Variants in GRID2 observed in about 807,000 individuals in gnomAD.
The protein encoded by GRID2 is glutamate ionotropic receptor delta type subunit 2.
A neutral mutation model predicts 114.8 loss-of-function variants in GRID2; 33 were observed. That is an observed-to-expected ratio of 0.29 (90% CI 0.22 to 0.38). The LOEUF is 0.38. Among genes scored for constraint, GRID2 ranks in the 10% least tolerant of loss-of-function variants. GRID2 has a pLI of 1.00. For synonymous variants in GRID2, 505 were observed against 449.9 expected, an observed-to-expected ratio of 1.12 and a Z score of -1.55; for missense variants, 1,184 against 1,257.7, an observed-to-expected ratio of 0.94 and a Z score of 0.89.
intron 3 of GRID2, among the ~76,000 whole-genome samples, chr4:93,091,337 TC>T (rs1255765580): frequency 1.3e-5 from 2 of 152,078 alleles, no homozygotes; most frequent in Non-Finnish European, 2.9e-5. Flanking sequence ...TAGACTTATT[TC>T]TAAGAATAAA....
chr4:92,690,213 G>A (rs559097744), intron 2 of GRID2, among the ~76,000 whole-genome samples: 632 of 150,024 alleles, frequency 4.2e-3, no homozygotes, highest in African/African-American at 0.015. Flanking sequence ...AAAAAAAAAA[G>A]AAAAAAAGTA....
chr4:93,625,807 C>A (rs1020351250), intron 13 of GRID2, among the ~76,000 whole-genome samples: 1 of 151,960 alleles, frequency 6.6e-6, no homozygotes, highest in African/African-American at 2.4e-5. Context: ...CCCAGCTACT[C>A]GGGAGGTTGA....
intron 1 of GRID2, among the ~76,000 whole-genome samples, chr4:92,376,417 G>A (rs531621047): frequency 6.6e-5 from 10 of 152,286 alleles, no homozygotes; most frequent in South Asian, 4.1e-4. Flanking sequence ...TCTGTCCCAT[G>A]GCTTTGCAGG....
At chr4:93,124,554 G>A (rs1042498825) in intron 4 of GRID2, among the ~76,000 whole-genome samples, 4 of 152,132 alleles carry the variant, frequency 2.6e-5, no homozygotes, top group Admixed American at 6.5e-5. Context: ...AGTTAGCACT[G>A]GAGTCCGAAC....
chr4:93,491,757 G>A (rs969264234), intron 12 of GRID2, among the ~76,000 whole-genome samples: 6 of 151,702 alleles, frequency 4.0e-5, no homozygotes, highest in African/African-American at 1.5e-4. Context: ...CTTTTAAAAA[G>A]AATGTAAATT....
chr4:93,468,530 G>T (rs1010222004), intron 11 of GRID2, among the ~76,000 whole-genome samples: 1 of 152,144 alleles, frequency 6.6e-6, no homozygotes, highest in African/African-American at 2.4e-5. Context: ...AATCCTGAAG[G>T]ATAGGAAGGA....
rs529270730 is a variant in GRID2 at position 93,491,637 on chromosome 4, G to T, written c.1997+860G>T. On this transcript the variant is annotated intron_variant, in intron 12 of 15. Coordinates refer to ENST00000282020, the MANE Select transcript of GRID2 (RefSeq NM_001510.4). ...GTAAGTTTGAATTTTCCTAAAGTTG[G>T]ACATTCATTTCCCAAAAAGCTGACA... Among the ~76,000 whole-genome samples the T allele has an allele frequency of 5.9e-5, 9 of 151,874 alleles. No individual in the cohort carries two copies. In the East Asian group the frequency reaches 1.8e-3, roughly 30 times the overall value.
intron 1 of GRID2, among the ~76,000 whole-genome samples, chr4:92,433,596 G>C (rs1380505527): frequency 6.6e-6 from 1 of 152,118 alleles, no homozygotes; most frequent in Non-Finnish European, 1.5e-5. Flanking sequence ...CCTGCTGCTG[G>C]GGAGTTGGGG....
intron 13 of GRID2, among the ~76,000 whole-genome samples, chr4:93,553,756 T>C (rs912791240): frequency 3.3e-5 from 5 of 152,194 alleles, no homozygotes; most frequent in Non-Finnish European, 5.9e-5. Context: ...AGTACATTTA[T>C]GAGAAAAAGA....
At chr4:92,581,150 C>A (rs1025037865) in intron 1 of GRID2, among the ~76,000 whole-genome samples, 17 of 149,612 alleles carry the variant, frequency 1.1e-4, no homozygotes, top group Admixed American at 1.1e-3. Context: ...TGCCTTTATA[C>A]AAGAAAAAAT....
chr4:92,730,903 G>C (rs764643120), intron 2 of GRID2, among the ~76,000 whole-genome samples: 17 of 151,934 alleles, frequency 1.1e-4, no homozygotes, highest in Non-Finnish European at 2.2e-4. Context: ...GAGTAAAAAG[G>C]TGGGTTTGAA....
At chr4:93,728,756 C>G (rs1010660252) in intron 14 of GRID2, among the ~76,000 whole-genome samples, 1 of 152,006 alleles carries the variant, frequency 6.6e-6, no homozygotes, top group African/African-American at 2.4e-5. Flanking sequence ...TTCTTTGTCT[C>G]TTTTGATCTT....
At chr4:93,445,145 C>A (rs1481709099) in intron 10 of GRID2, among the ~76,000 whole-genome samples, 1 of 152,006 alleles carries the variant, frequency 6.6e-6, no homozygotes, top group Non-Finnish European at 1.5e-5. Flanking sequence ...TTATCTTCCT[C>A]CTTTCTTCTG....
intron 14 of GRID2, among the ~76,000 whole-genome samples, chr4:93,696,741 A>G (rs1212472052): frequency 6.6e-6 from 1 of 152,134 alleles, no homozygotes; most frequent in African/African-American, 2.4e-5. Flanking sequence ...ACAATTCTCA[A>G]TAACTTCCAA....
At chr4:93,094,820 C>G (rs1344136046) in intron 3 of GRID2, among the ~76,000 whole-genome samples, 7 of 151,618 alleles carry the variant, frequency 4.6e-5, no homozygotes, top group Non-Finnish European at 1.5e-5. Context: ...GATAATTAGC[C>G]AAAATTGAAT....
intron 2 of GRID2, among the ~76,000 whole-genome samples, chr4:92,761,225 G>C (rs997096849): frequency 6.6e-6 from 1 of 151,310 alleles, no homozygotes; most frequent in South Asian, 2.1e-4. Flanking sequence ...CTTTTTTCTA[G>C]TTCTATATTA....
intron 12 of GRID2, among the ~76,000 whole-genome samples, chr4:93,492,456 T>C (rs1236638952): frequency 6.6e-6 from 1 of 151,844 alleles, no homozygotes; most frequent in Admixed American, 6.6e-5. Flanking sequence ...CACACCACAC[T>C]TGAACTTGAA....
intron 2 of GRID2, among the ~76,000 whole-genome samples, chr4:92,610,729 C>G (rs1278259405): frequency 6.6e-6 from 1 of 151,612 alleles, no homozygotes; most frequent in African/African-American, 2.4e-5. Flanking sequence ...AATCAATTGA[C>G]AGTTCCATAC....
chr4:93,310,664 T>C (rs757643285), intron 8 of GRID2, among the ~76,000 whole-genome samples: 16 of 152,154 alleles, frequency 1.1e-4, no homozygotes, highest in Non-Finnish European at 1.9e-4. Context: ...AACCTGTTAA[T>C]AAAGCAATGC....
Sources: gnomAD v4.1 joint callset for allele counts (sites outside exome capture counted in the v4.1 genomes callset) on GRCh38, gnomAD v4.1.1 for gene constraint, MANE v1.5 for transcripts, NCBI Gene and HGNC (gene_info 2026-07-23, HGNC 2026-07-21) for gene names.